The following RIC3 variants were observed in gnomAD, a reference collection of about 807,000 sequenced individuals.
RIC3 encodes protein RIC-3.
Under a neutral mutation model 27.3 loss-of-function variants are expected in RIC3, and 28 were observed. The ratio of observed to expected loss-of-function variants is 1.02; its 90% confidence interval spans 0.76 to 1.41. The LOEUF is 1.41. RIC3 is among the 40% of genes most tolerant of loss of function. The pLI is 0.00. For synonymous variants in RIC3, 184 were observed against 160.4 expected (o/e 1.15, Z -1.11); for missense variants, 501 against 444.7 (o/e 1.13, Z -1.14).
chr11:8,112,241 G>T (rs1945353580), intron 5 of RIC3, among the ~76,000 whole-genome samples: 1 of 151,268 alleles, frequency 6.6e-6, no homozygotes, highest in Non-Finnish European at 1.5e-5. Flanking sequence ...CTTTTTTCTG[G>T]TCTTTTTTTA....
chr11:8,111,329 C>T (rs1397104766), intron 5 of RIC3, among the ~76,000 whole-genome samples, 192 bp from the exon 6 acceptor site: 1 of 152,214 alleles, frequency 6.6e-6, no homozygotes, highest in Non-Finnish European at 1.5e-5. Flanking sequence ...TATCCCAGTG[C>T]TCTTTGAAAT....
At chr11:8,130,755 AGT>A (rs1436303175) in intron 4 of RIC3, among the ~76,000 whole-genome samples, 1 of 117,896 alleles carries the variant, frequency 8.5e-6, no homozygotes, top group African/African-American at 4.8e-5. Context: ...AGTCAAAATA[AGT>A]GTGTGTTGTG....
At chr11:8,161,645 T>C (rs1374932329) in intron 1 of RIC3, among the ~76,000 whole-genome samples, 1 of 152,202 alleles carries the variant, frequency 6.6e-6, no homozygotes, top group Non-Finnish European at 1.5e-5. Flanking sequence ...ACGGATATGT[T>C]TGCTGGAACT....
chr11:8,135,920 A>G (rs1260541092), intron 4 of RIC3: 4 of 152,254 alleles, frequency 2.6e-5, no homozygotes, highest in African/African-American at 9.6e-5. Flanking sequence ...ACAAATAGTC[A>G]TATGTTAGAT....
rs751585245 is a variant in RIC3 at position 8,126,796 on chromosome 11, G to C, written c.533C>G (p.Thr178Ser). The C allele has an allele frequency of 2.1e-5, 34 of 1,613,982 alleles. No individual in the cohort carries two copies. The Admixed American group carries it at 2.5e-4, about 12-fold the overall frequency. The stretch of plus-strand genomic sequence containing the variant: ...CCGTTTCTCTTGGTCAGAAGTCACA[G>C]TCTGTGCTCTGCTTAGAAATATCAG... Reference protein sequence around the residue: ...VGPNGESRAQTVTSDQEKRLL... With the variant: ...VGPNGESRAQSVTSDQEKRLL... Residue 178 changes from threonine to serine, a missense_variant, in exon 5 of 6, where the codon ACT becomes AGT. Thr to Ser is a moderately conservative substitution (Grantham distance 58, BLOSUM62 1). Transcript: ENST00000309737.
intron 5 of RIC3, among the ~76,000 whole-genome samples, chr11:8,117,656 G>T (rs1243978785): frequency 6.6e-5 from 10 of 152,124 alleles, no homozygotes. Flanking sequence ...ATAACAGTAT[G>T]TTGTATATTT....
At chr11:8,144,557 T>C (rs1389280626) in intron 1 of RIC3, among the ~76,000 whole-genome samples, 2 of 150,260 alleles carry the variant, frequency 1.3e-5, no homozygotes, top group Middle Eastern at 3.4e-3. Flanking sequence ...TGTGGAGAAA[T>C]AGGAACACTT....
intron 1 of RIC3, among the ~76,000 whole-genome samples, chr11:8,147,441 G>C (rs1949810835): frequency 6.6e-6 from 1 of 151,658 alleles, no homozygotes; most frequent in Non-Finnish European, 1.5e-5. Context: ...CCTGGGTCTG[G>C]AAAGAAAGAA....
At chr11:8,128,719 C>T (rs1473033644) in intron 4 of RIC3, among the ~76,000 whole-genome samples, 33 of 149,034 alleles carry the variant, frequency 2.2e-4, no homozygotes, top group African/African-American at 6.9e-4. Flanking sequence ...TTCTGGATTC[C>T]GTTCTATCAT....
At position 8,126,755 on chromosome 11, in the gene RIC3, G is replaced by A. The variant is rs1215686700; in HGVS notation, c.574C>T (p.Arg192Ter). 9.9e-6 allele frequency: 16 copies of A among 1,614,076 alleles called. No homozygotes were observed. The highest frequency in any genetic ancestry group is 6.7e-5 in the Admixed American group (4 of 59,998). ...DQEKRLLHQLREITRVMKEGK... is the reference protein window; with the variant it reads ...DQEKRLLHQL Reference sequence around the variant, plus strand: ...TCTTTCATGACCCTGGTGATTTCTCGGAGCTGATGTAGCAACCGTTTCTCT... The same window carrying A: ...TCTTTCATGACCCTGGTGATTTCTCAGAGCTGATGTAGCAACCGTTTCTCT... Residue 192 changes from arginine to a stop codon, truncating the protein, a stop_gained, in exon 5 of 6, where the codon CGA becomes TGA. Coordinates refer to ENST00000309737, the MANE Select transcript of RIC3 (RefSeq NM_001206671.4). LOFTEE classifies it high-confidence loss of function.
the RIC3 span, chr11:8,095,712 G>C: frequency 6.5e-7 from 1 of 1,538,262 alleles, no homozygotes; most frequent in Non-Finnish European, 8.8e-7. Context: ...TCAGTCCCAG[G>C]TTCTCAGATG....
chr11:8,122,335 T>C (rs1177415903), intron 5 of RIC3, among the ~76,000 whole-genome samples: 1 of 152,182 alleles, frequency 6.6e-6, no homozygotes, highest in African/African-American at 2.4e-5. Flanking sequence ...TGGAATCATA[T>C]AGTATGTAAC....
At chr11:8,149,321 T>C (rs1313523880) in intron 1 of RIC3, among the ~76,000 whole-genome samples, 1 of 152,042 alleles carries the variant, frequency 6.6e-6, no homozygotes, top group African/African-American at 2.4e-5. Context: ...GAAGACTGTG[T>C]ATATGAGATT....
the RIC3 span, among the ~76,000 whole-genome samples, chr11:8,097,981 T>C: frequency 2.9e-3 from 436 of 152,270 alleles, 4 homozygotes; most frequent in Non-Finnish European, 4.4e-3. Flanking sequence ...TGGAGGCCTA[T>C]GTCTATGCCA....
intron 5 of RIC3, among the ~76,000 whole-genome samples, chr11:8,123,614 G>C (rs1467643520): frequency 6.6e-6 from 1 of 152,068 alleles, no homozygotes; most frequent in Non-Finnish European, 1.5e-5. Context: ...TAACAATAAA[G>C]TTGACAATAT....
At chr11:8,095,454 TCTC>T in the RIC3 span, 1 of 1,566,018 alleles carries the variant, frequency 6.4e-7, no homozygotes, top group East Asian at 2.3e-5. Context: ...CAGGCCCTCC[TCTC>T]CTCCTCCTGG....
chr11:8,155,604 A>G (rs1950596796), intron 1 of RIC3, among the ~76,000 whole-genome samples: 1 of 152,300 alleles, frequency 6.6e-6, no homozygotes, highest in Non-Finnish European at 1.5e-5. Context: ...GGATTTTACA[A>G]AGTGAAGCTC....
chr11:8,147,600 A>C (rs1354051892), intron 1 of RIC3, among the ~76,000 whole-genome samples: 1 of 152,180 alleles, frequency 6.6e-6, no homozygotes, highest in African/African-American at 2.4e-5. Flanking sequence ...TGTTATGTGA[A>C]GTTATGCCAG....
Position 8,140,604 on chromosome 11 carries a change from G to A in RIC3, c.125-411C>T, listed in dbSNP as rs117768600. 9.1e-4 allele frequency among the ~76,000 whole-genome samples: 138 copies of A among 152,270 alleles called. 1 individual carries two copies. The East Asian group carries it at 0.018, about 20-fold the overall frequency. ...CACCCACGGGGACCTTGGAAGCCAC[G>A]GGTAGAAACAGCAAAGCCTCCATCA... On this transcript the variant is annotated intron_variant, in intron 1 of 5. Transcript: ENST00000309737.
Sources: allele counts gnomAD v4.1 joint callset (sites outside exome capture counted in the v4.1 genomes callset), GRCh38; gene constraint gnomAD v4.1.1; transcripts MANE v1.5; gene names NCBI Gene and HGNC (gene_info 2026-07-23, HGNC 2026-07-21).